Variants in MLXIP observed in about 807,000 individuals in gnomAD.
The protein encoded by MLXIP is MLX-interacting protein.
A neutral mutation model predicts 87.2 loss-of-function variants in MLXIP; 30 were observed. That is an observed-to-expected ratio of 0.34 (90% CI 0.26 to 0.47). The LOEUF (loss-of-function observed/expected upper bound fraction) is 0.47, where lower values mean the gene tolerates loss of function less well. Ranked by LOEUF, MLXIP falls within the 20% of genes least tolerant of loss-of-function variation. The probability of loss-of-function intolerance (pLI) is 1.00; values close to 1 mark genes in which losing one functional copy is unlikely to be tolerated. For missense variants in MLXIP, 1,002 were observed against 1,240.1 expected, an observed-to-expected ratio of 0.81 and a Z score of 2.88; for synonymous variants, 530 against 514.0, an observed-to-expected ratio of 1.03 and a Z score of -0.42.
intron 1 of MLXIP, 65 bp from the exon 2 acceptor site, chr12:122,127,191 A>G: frequency 7.8e-7 from 1 of 1,282,852 alleles, no homozygotes. Flanking sequence ...ATCGGGTGGC[A>G]CTTTGTAATT....
At chr12:122,100,039 C>A (rs901061354) in intron 1 of MLXIP, among the ~76,000 whole-genome samples, 1 of 152,130 alleles carries the variant, frequency 6.6e-6, no homozygotes, top group African/African-American at 2.4e-5. Context: ...AGGTCTCTGC[C>A]CCAGACAGCC....
At chr12:122,119,315 G>A (rs28591322) in intron 1 of MLXIP, among the ~76,000 whole-genome samples, 77,032 of 152,030 alleles carry the variant, frequency 0.51, 20,037 homozygotes, top group Middle Eastern at 0.64. Flanking sequence ...TCTTCCCTAT[G>A]TGTTACCACA....
At chr12:122,104,276 C>T (rs1484559584) in intron 1 of MLXIP, among the ~76,000 whole-genome samples, 3 of 152,146 alleles carry the variant, frequency 2.0e-5, no homozygotes, top group Admixed American at 6.5e-5. Context: ...TTCCATGACC[C>T]CAGAAGGTTC....
intron 1 of MLXIP, among the ~76,000 whole-genome samples, chr12:122,101,529 A>G (rs549533248): frequency 1.0e-3 from 144 of 142,676 alleles, no homozygotes; most frequent in Non-Finnish European, 1.7e-3. Context: ...TTTCTCCTGT[A>G]TTCTCTTCAA....
chr12:122,117,592 G>GT (rs1952712054), intron 1 of MLXIP, among the ~76,000 whole-genome samples: 1 of 152,198 alleles, frequency 6.6e-6, no homozygotes, highest in South Asian at 2.1e-4. Flanking sequence ...TGATATATCT[G>GT]TTTTTGTGAT....
rs1173711241 is a variant in MLXIP, at chr12:122,113,681, C to CTTTTTTTTTTTTTT, written c.414-13567_414-13554dup. Among the ~76,000 whole-genome samples the CTTTTTTTTTTTTTT allele has an allele frequency of 1.5e-3, 151 of 100,686 alleles. 6 individuals are homozygous for CTTTTTTTTTTTTTT. Among genetic ancestry groups the CTTTTTTTTTTTTTT allele is most frequent in the East Asian group, 1.9e-3 (6 of 3,132 alleles). The allele number at this position is 100,686 out of a possible 152,430, so 66.1% of individuals were successfully genotyped here. A position where few individuals can be genotyped will look rare whatever the true frequency, so the allele number is the denominator to read the frequency against. ...ACAGTCCATATAACTGCCTTCATTTCTTTTTTTTTTTTTTTTTTTTTGAGA... is the reference window on the plus strand; with the variant it reads ...ACAGTCCATATAACTGCCTTCATTTCTTTTTTTTTTTTTTTTTTTTTTTTTTTTTTTTTTTGAGA... On this transcript the variant is annotated intron_variant, in intron 1 of 16. Transcript: ENST00000319080.
At chr12:122,132,755 G>C (rs964388063) in intron 8 of MLXIP, 24 of 169,232 alleles carry the variant, frequency 1.4e-4, no homozygotes, top group Non-Finnish European at 2.5e-4. Context: ...CCAAAAAGTT[G>C]CTTACAGGTG....
Position 122,133,407 on chromosome 12 carries a change from G to T in MLXIP, c.1152G>T (p.Ala384=). 1 of 1,602,912 alleles carries T rather than the reference G, an allele frequency of 6.2e-7. No individual in the cohort carries two copies. The highest frequency in any genetic ancestry group is 8.5e-7 in the Non-Finnish European group (1 of 1,172,788). ...PTVSLPDSLI[A]PPTAPSLAHM... ...TGAGCCTTCCTGACAGCCTCATCGC[G>T]CCCCCTACCGCCCCATCCCTGGCTC... The change falls in exon 9 of 17, where the codon GCG becomes GCT. Residue 384 remains alanine (A), a synonymous_variant. Transcript: ENST00000319080. The surrounding 1 kb of genome is among the most constrained non-coding windows in gnomAD (Gnocchi z 4.9).
rs1952844294 is a variant in MLXIP, at chr12:122,124,401, TCAGCCG to T, written c.414-2854_414-2849del. Among the ~76,000 whole-genome samples the T allele has an allele frequency of 8.7e-4, 2 of 2,292 alleles. 1 individual carries two copies. The highest frequency in any genetic ancestry group is 1.3e-3 in the Non-Finnish European group (2 of 1,554). The allele number at this position is 2,292 out of a possible 152,430, so 1.5% of individuals were successfully genotyped here. A position where few individuals can be genotyped will look rare whatever the true frequency, so the allele number is the denominator to read the frequency against. On this transcript the variant is annotated intron_variant, in intron 1 of 16. Transcript: ENST00000319080. ...CCCCACCTCAGCCGCCCCCCCGCCC[TCAGCCG>T]TCCCCCACCTCAGCCGTCCCCCTCC...
intron 1 of MLXIP, among the ~76,000 whole-genome samples, chr12:122,092,916 T>G (rs1010783698): frequency 6.6e-5 from 10 of 150,826 alleles, no homozygotes; most frequent in East Asian, 3.9e-4. Flanking sequence ...TTGTTGTGTG[T>G]GATGTGTGTG....
Position 122,132,330 on chromosome 12 carries a change from C to T in MLXIP, c.1039C>T (p.Leu347=). 1 of 1,613,294 alleles carries T rather than the reference C, an allele frequency of 6.2e-7. No homozygotes were observed. Among genetic ancestry groups the T allele is most frequent in the Non-Finnish European group, 8.5e-7 (1 of 1,179,622 alleles). Residue 347 remains leucine (L), a synonymous_variant, in exon 8 of 17, where the codon CTA becomes TTA. Transcript: ENST00000319080. ...TAGCCGCTCCATTTTTGGCTCCATG[C>T]TACCTGCATCTGCCTCAGCACCTGT... ...SSSRSIFGSM[L]PASASAPVPD...
intron 1 of MLXIP, among the ~76,000 whole-genome samples, chr12:122,097,389 C>A (rs1032861694): frequency 3.3e-5 from 5 of 151,924 alleles, no homozygotes; most frequent in African/African-American, 1.2e-4. Flanking sequence ...GGGAGGCTGA[C>A]GTGGGAGGAT....
intron 1 of MLXIP, among the ~76,000 whole-genome samples, chr12:122,095,874 A>AT (rs1246054568): frequency 1.1e-4 from 17 of 149,388 alleles, no homozygotes; most frequent in South Asian, 6.4e-4. Context: ...TTTTATTATT[A>AT]TTTTTTTTTG....
intron 6 of MLXIP, 66 bp from the exon 7 acceptor site, chr12:122,130,778 C>CT (rs1952964042): frequency 2.5e-6 from 3 of 1,181,122 alleles, no homozygotes; most frequent in Admixed American, 1.7e-5. Flanking sequence ...TGTTCCAGGC[C>CT]TTTTTTACGT....
intron 15 of MLXIP, among the ~76,000 whole-genome samples, chr12:122,139,632 G>A (rs899159355): frequency 1.3e-5 from 2 of 152,190 alleles, no homozygotes; most frequent in Non-Finnish European, 2.9e-5. Context: ...AGGGCAGGGC[G>A]CAGCACCTGT....
chr12:122,111,783 A>G (rs1260630596), intron 1 of MLXIP, among the ~76,000 whole-genome samples: 1 of 152,234 alleles, frequency 6.6e-6, no homozygotes, highest in African/African-American at 2.4e-5. Flanking sequence ...TTCATGAAGC[A>G]AATTATAGCA....
chr12:122,112,489 A>G (rs1007566607), intron 1 of MLXIP, among the ~76,000 whole-genome samples: 1 of 151,860 alleles, frequency 6.6e-6, no homozygotes, highest in East Asian at 1.9e-4. Context: ...ATATATATAT[A>G]AAAAAATAGC....
In MLXIP at chr12:122,133,994, C is replaced by A. The variant is rs1481860603; in HGVS notation, c.1732+7C>A. 2 of 1,591,356 alleles carry A rather than the reference C, an allele frequency of 1.3e-6. No individual in the cohort carries two copies. Among genetic ancestry groups the A allele is most frequent in the Admixed American group, 1.7e-5 (1 of 57,606 alleles). On this transcript the variant is annotated splice_region_variant and intron_variant, in intron 9 of 16. Coordinates refer to ENST00000319080, the MANE Select transcript of MLXIP (RefSeq NM_014938.6). This position sits in a 1 kb window ranked among gnomAD's most constrained non-coding sequence, Gnocchi z 4.9. ...AATGCCCGTATCGCCCCAGGTGAGC[C>A]AGGCGGGGAGACTCAGTGCGGGGCT...
At chr12:122,131,127 C>T (rs1426784134) in intron 7 of MLXIP, among the ~76,000 whole-genome samples, 194 bp downstream of exon 7, 1 of 152,112 alleles carries the variant, frequency 6.6e-6, no homozygotes, top group Admixed American at 6.6e-5. Flanking sequence ...CATTGTTCAG[C>T]AAGGAAATTG....
Sources: allele counts gnomAD v4.1 joint callset (sites outside exome capture counted in the v4.1 genomes callset), GRCh38; gene constraint gnomAD v4.1.1; non-coding constraint Gnocchi (gnomAD v3.1); transcripts MANE v1.5; gene names NCBI Gene and HGNC (gene_info 2026-07-23, HGNC 2026-07-21).